Variants in CNTN3 observed in about 807,000 individuals in gnomAD.
CNTN3 encodes the protein contactin 3, also known as contactin-3.
CNTN3 carries 60 observed loss-of-function variants against 119.1 expected under a neutral mutation model. The observed-to-expected ratio is 0.50, with a 90% CI of 0.41 to 0.62. The LOEUF (loss-of-function observed/expected upper bound fraction) is 0.62. CNTN3 is among the 20% of genes least tolerant of loss of function. CNTN3 has a pLI of 0.00. For missense variants in CNTN3, 1,101 were observed against 1,242.4 expected, an observed-to-expected ratio of 0.89 and a Z score of 1.71; for synonymous variants, 450 against 438.7, an observed-to-expected ratio of 1.03 and a Z score of -0.32.
intron 11 of CNTN3, among the ~76,000 whole-genome samples, chr3:74,349,111 G>C (rs1187929260): frequency 1.3e-5 from 2 of 151,818 alleles, no homozygotes; most frequent in African/African-American, 4.8e-5. Flanking sequence ...AAGTTTTAGA[G>C]TGATTTGTTA....
chr3:74,365,663 A>G lies in CNTN3; in HGVS notation c.986T>C (p.Ile329Thr), dbSNP rs1334283880. The G allele has an allele frequency of 6.8e-6, 11 of 1,613,482 alleles. No homozygotes were observed. The highest frequency in any genetic ancestry group is 8.5e-6 in the Non-Finnish European group (10 of 1,179,542). ...HWVQLIKDVE[I>T]AVEDSLYWEC... ...CCAATAAAGACTGTCCTCCACGGCTATTTCCACATCCTTTATGAGTTGAAC... is the reference window on the plus strand; with the variant it reads ...CCAATAAAGACTGTCCTCCACGGCTGTTTCCACATCCTTTATGAGTTGAAC... Residue 329 changes from isoleucine to threonine, a missense_variant, in exon 9 of 23, where the codon ATA becomes ACA. Ile to Thr is a moderately conservative substitution (Grantham distance 89). Coordinates refer to ENST00000263665, the MANE Select transcript of CNTN3 (RefSeq NM_020872.3).
intron 20 of CNTN3, among the ~76,000 whole-genome samples, chr3:74,269,576 T>C (rs965291715): frequency 1.3e-5 from 2 of 152,082 alleles, no homozygotes; most frequent in Non-Finnish European, 2.9e-5. Context: ...ACCCAGAGAG[T>C]TAAAATTTAA....
At chr3:74,314,120 A>T (rs1207513929) in intron 13 of CNTN3, among the ~76,000 whole-genome samples, 1 of 152,206 alleles carries the variant, frequency 6.6e-6, no homozygotes, top group Non-Finnish European at 1.5e-5. Context: ...TAGGATTTCA[A>T]CATGCAAATT....
intron 4 of CNTN3, among the ~76,000 whole-genome samples, chr3:74,463,301 T>C (rs1702405043): frequency 6.6e-6 from 1 of 152,148 alleles, no homozygotes; most frequent in South Asian, 2.1e-4. Context: ...GTTTAGTATC[T>C]ATGAATATCT....
At chr3:74,595,483 A>G (rs1017673965) in intron 1 of CNTN3, among the ~76,000 whole-genome samples, 10 of 152,038 alleles carry the variant, frequency 6.6e-5, no homozygotes, top group Non-Finnish European at 1.2e-4. Flanking sequence ...AGGTGTAAGG[A>G]AACCACCATG....
At chr3:74,503,505 G>A (rs1703201559) in intron 2 of CNTN3, among the ~76,000 whole-genome samples, 1 of 152,284 alleles carries the variant, frequency 6.6e-6, no homozygotes, top group East Asian at 1.9e-4. Context: ...TGAAATAGGT[G>A]ATGAGAGATG....
At chr3:74,270,149 C>T (rs1701742540) in intron 20 of CNTN3, among the ~76,000 whole-genome samples, 1 of 152,164 alleles carries the variant, frequency 6.6e-6, no homozygotes, top group Admixed American at 6.6e-5. Context: ...CTAGCTCTCA[C>T]TGATGTTGGC....
chr3:74,535,236 C>G (rs1257389065), intron 1 of CNTN3, among the ~76,000 whole-genome samples: 2 of 151,990 alleles, frequency 1.3e-5, no homozygotes, highest in Non-Finnish European at 2.9e-5. Flanking sequence ...TAGTTATCTG[C>G]TTAGAATTCA....
At chr3:74,476,738 T>C (rs965617586) in intron 4 of CNTN3, among the ~76,000 whole-genome samples, 4 of 151,722 alleles carry the variant, frequency 2.6e-5, no homozygotes, top group Admixed American at 6.6e-5. Flanking sequence ...CAGAAACACA[T>C]GAAAAAGAAT....
intron 20 of CNTN3, among the ~76,000 whole-genome samples, chr3:74,282,758 T>C (rs906467052): frequency 9.2e-5 from 14 of 152,184 alleles, no homozygotes; most frequent in African/African-American, 3.4e-4. Context: ...AGTAACAATA[T>C]TATTAATGGC....
chr3:74,381,063 TTCTC>T (rs934368808), intron 5 of CNTN3, among the ~76,000 whole-genome samples: 61 of 146,598 alleles, frequency 4.2e-4, no homozygotes, highest in Non-Finnish European at 6.9e-4. Flanking sequence ...GTTTTTTTTT[TTCTC>T]TCTCTCTCTC....
intron 1 of CNTN3, among the ~76,000 whole-genome samples, chr3:74,543,408 T>G (rs550566957): frequency 6.6e-6 from 1 of 152,266 alleles, no homozygotes; most frequent in African/African-American, 2.4e-5. Flanking sequence ...AAGTGCTAGT[T>G]TGGATACTTA....
intron 1 of CNTN3, among the ~76,000 whole-genome samples, chr3:74,533,832 C>A (rs1238872921): frequency 6.6e-6 from 1 of 152,040 alleles, no homozygotes; most frequent in Non-Finnish European, 1.5e-5. Context: ...TCCCAGCAGA[C>A]ACTCAACAAT....
chr3:74,612,181 A>G (rs1705094322), intron 1 of CNTN3, among the ~76,000 whole-genome samples: 1 of 152,182 alleles, frequency 6.6e-6, no homozygotes, highest in African/African-American at 2.4e-5. Context: ...ATGTGTGAGA[A>G]GGAGTTAGGA....
intron 13 of CNTN3, among the ~76,000 whole-genome samples, chr3:74,318,324 T>C (rs1459824271): frequency 1.3e-5 from 2 of 152,194 alleles, no homozygotes; most frequent in Non-Finnish European, 2.9e-5. Flanking sequence ...TCTGAAGTCT[T>C]CTTCTCTCAG....
At chr3:74,576,195 T>C (rs1015851309) in intron 1 of CNTN3, among the ~76,000 whole-genome samples, 2 of 152,188 alleles carry the variant, frequency 1.3e-5, no homozygotes, top group Non-Finnish European at 2.9e-5. Flanking sequence ...TGCAAACTTT[T>C]CCTGGGAGGT....
rs191398729 is a variant in CNTN3 at position 74,605,148 on chromosome 3, A to T, written c.-81+9243T>A. ...GTGGTTACCAGGGGGGTGAGGAGGGAGGTTTAGGGAGATGTTGGTCAAAGG... is the reference window on the plus strand; with the variant it reads ...GTGGTTACCAGGGGGGTGAGGAGGGTGGTTTAGGGAGATGTTGGTCAAAGG... On this transcript the variant is annotated intron_variant, in intron 1 of 22. Transcript: ENST00000263665. 1.2e-3 allele frequency among the ~76,000 whole-genome samples: 184 copies of T among 152,150 alleles called. 1 individual carries two copies. The highest frequency in any genetic ancestry group is 4.2e-3 in the African/African-American group (176 of 41,532).
intron 5 of CNTN3, among the ~76,000 whole-genome samples, chr3:74,401,685 C>T (rs1705198672): frequency 6.6e-6 from 1 of 152,134 alleles, no homozygotes; most frequent in African/African-American, 2.4e-5. Context: ...TATTAAGCAA[C>T]ATAATGTAAT....
intron 1 of CNTN3, among the ~76,000 whole-genome samples, chr3:74,560,976 T>G (rs904458118): frequency 1.6e-5 from 2 of 127,158 alleles, no homozygotes; most frequent in Non-Finnish European, 3.1e-5. Context: ...AATTGAACAA[T>G]GAGAACACTT....
Sources: allele counts gnomAD v4.1 joint callset (sites outside exome capture counted in the v4.1 genomes callset), GRCh38; gene constraint gnomAD v4.1.1; transcripts MANE v1.5; gene names NCBI Gene and HGNC (gene_info 2026-07-23, HGNC 2026-07-21).